XRCC4: variants seen among roughly 807,000 people sequenced by gnomAD.
XRCC4 encodes X-ray repair cross complementing 4.
In XRCC4, 28 loss-of-function variants were observed where a neutral mutation model predicts 39.1. That is an observed-to-expected ratio of 0.72 (90% confidence interval 0.53 to 0.98). XRCC4 has a LOEUF of 0.98. XRCC4 is among the 50% of genes least tolerant of loss of function. XRCC4 has a pLI of 0.00. For missense variants in XRCC4, 350 were observed against 376.4 expected, an observed-to-expected ratio of 0.93 and a Z score of 0.58; for synonymous variants, 123 against 126.4, an observed-to-expected ratio of 0.97 and a Z score of 0.18.
rs143045692 is a variant in XRCC4 at position 83,101,638 on chromosome 5, G to A, written c.-10-3272G>A. Among the ~76,000 whole-genome samples, 175 of 152,202 alleles carry A rather than the reference G, an allele frequency of 1.1e-3. 4 individuals carry two copies. The East Asian group carries it at 0.031, about 27-fold the overall frequency. On this transcript the variant is annotated intron_variant, in intron 1 of 7. Coordinates refer to ENST00000396027, the MANE Select transcript of XRCC4 (RefSeq NM_003401.5). ...GAAATATAAGTGGTGTTCCCACATA[G>A]TGTTGATGATTGATGTCTACTTGAG...
chr5:83,323,811 T>G (rs1175245369), intron 7 of XRCC4, among the ~76,000 whole-genome samples: 3 of 152,084 alleles, frequency 2.0e-5, no homozygotes, highest in African/African-American at 7.2e-5. Context: ...TTTCACTATT[T>G]GAGGAAGAGA....
chr5:83,362,294 C>CAAAA, the XRCC4 span, among the ~76,000 whole-genome samples: 21 of 73,152 alleles, frequency 2.9e-4, no homozygotes, highest in African/African-American at 6.6e-4. Flanking sequence ...GCTATTTAGG[C>CAAAA]AAAAAAAAAA....
At chr5:83,222,382 C>CAT (rs1328088827) in intron 6 of XRCC4, among the ~76,000 whole-genome samples, 2 of 152,060 alleles carry the variant, frequency 1.3e-5, no homozygotes, top group African/African-American at 4.8e-5. Context: ...TGCATTATTG[C>CAT]ATTGTTAGCT....
intron 3 of XRCC4, among the ~76,000 whole-genome samples, chr5:83,184,758 TTC>T (rs968120183): frequency 6.6e-6 from 1 of 152,110 alleles, no homozygotes; most frequent in African/African-American, 2.4e-5. Flanking sequence ...AGTTAGATTT[TTC>T]TCTTTCATAG....
chr5:83,327,398 C>T (rs1283731071), intron 7 of XRCC4, among the ~76,000 whole-genome samples: 1 of 151,888 alleles, frequency 6.6e-6, no homozygotes. Context: ...GAGTAGTAGT[C>T]CATGTGGGGA....
At chr5:83,268,221 C>T (rs1210676365) in intron 7 of XRCC4, among the ~76,000 whole-genome samples, 3 of 152,094 alleles carry the variant, frequency 2.0e-5, no homozygotes, top group Non-Finnish European at 4.4e-5. Context: ...GGTTGCTATC[C>T]TCTTACTACC....
intron 7 of XRCC4, among the ~76,000 whole-genome samples, chr5:83,333,337 T>A (rs138196256): frequency 5.9e-5 from 9 of 152,348 alleles, no homozygotes; most frequent in African/African-American, 2.2e-4. Context: ...ATACTTTCAA[T>A]GTGTGAGTTA....
At position 83,338,980 on chromosome 5, in the gene XRCC4, C is replaced by CA. The variant is rs1350855782; in HGVS notation, c.894-14144dup. 5.9e-5 allele frequency among the ~76,000 whole-genome samples: 9 copies of CA among 152,014 alleles called. No individual in the cohort carries two copies. The South Asian group carries it at 8.3e-4, about 14-fold the overall frequency. On this transcript the variant is annotated intron_variant, in intron 7 of 7. Coordinates refer to ENST00000396027, the MANE Select transcript of XRCC4 (RefSeq NM_003401.5). ...ATACATATTAGAGACTTTTCCAGGG[C>CA]AAAAAAATGGCTGGATAGGTCTTTC...
At chr5:83,277,842 A>C (rs888624632) in intron 7 of XRCC4, among the ~76,000 whole-genome samples, 4 of 152,246 alleles carry the variant, frequency 2.6e-5, no homozygotes, top group Non-Finnish European at 4.4e-5. Context: ...CTTTAGGATA[A>C]CTATACATTC....
intron 7 of XRCC4, among the ~76,000 whole-genome samples, chr5:83,281,392 A>G (rs950319777): frequency 5.3e-5 from 8 of 152,150 alleles, no homozygotes; most frequent in African/African-American, 1.9e-4. Context: ...ACAGGCTTTC[A>G]TGAGCTGCAC....
At chr5:83,176,318 T>C (rs1749955399) in intron 3 of XRCC4, among the ~76,000 whole-genome samples, 1 of 152,032 alleles carries the variant, frequency 6.6e-6, no homozygotes, top group Non-Finnish European at 1.5e-5. Context: ...AGAAAATACA[T>C]AAAGTAAAAA....
At chr5:83,134,876 A>T (rs1027440596) in intron 3 of XRCC4, among the ~76,000 whole-genome samples, 6 of 152,086 alleles carry the variant, frequency 3.9e-5, no homozygotes, top group African/African-American at 7.2e-5. Flanking sequence ...TGGACACGCC[A>T]CCTTGAAGAG....
intron 6 of XRCC4, among the ~76,000 whole-genome samples, chr5:83,236,249 C>G (rs764303284): frequency 7.2e-5 from 11 of 151,970 alleles, no homozygotes; most frequent in Non-Finnish European, 1.2e-4. Flanking sequence ...AAAAGACTAT[C>G]ATAGCCAAAG....
intron 3 of XRCC4, among the ~76,000 whole-genome samples, chr5:83,176,135 A>G (rs550720254): frequency 3.6e-4 from 55 of 152,288 alleles, no homozygotes; most frequent in African/African-American, 1.3e-3. Context: ...CGTAAGTTAT[A>G]ATCTATACTA....
intron 7 of XRCC4, among the ~76,000 whole-genome samples, chr5:83,315,517 T>C (rs1045419607): frequency 6.6e-6 from 1 of 152,150 alleles, no homozygotes; most frequent in Non-Finnish European, 1.5e-5. Flanking sequence ...AAGTCAATTC[T>C]TGGCTTCAAA....
chr5:83,121,179 T>A (rs1172233695), intron 3 of XRCC4, among the ~76,000 whole-genome samples: 3 of 152,234 alleles, frequency 2.0e-5, no homozygotes, highest in African/African-American at 7.2e-5. Context: ...CCAATTTGTT[T>A]ATGCATTCAC....
the XRCC4 span, among the ~76,000 whole-genome samples, chr5:83,360,548 T>G: frequency 6.6e-6 from 1 of 152,252 alleles, no homozygotes; most frequent in East Asian, 1.9e-4. Context: ...CAATAAAATG[T>G]GAATGAAATA....
rs188905688 is a variant in XRCC4, at chr5:83,200,144, G to A, written c.483-3408G>A. 8.5e-4 allele frequency among the ~76,000 whole-genome samples: 130 copies of A among 152,248 alleles called. No individual in the cohort carries two copies. The Middle Eastern group carries it at 0.01, about 12-fold the overall frequency. ...ATCATAATGCTCTAGGAGAGGATTGGCATTAAAAATTAGGTGGGAATGATA... is the reference window on the plus strand; with the variant it reads ...ATCATAATGCTCTAGGAGAGGATTGACATTAAAAATTAGGTGGGAATGATA... On this transcript the variant is annotated intron_variant, in intron 4 of 7. Coordinates refer to ENST00000396027, the MANE Select transcript of XRCC4 (RefSeq NM_003401.5).
chr5:83,126,783 G>T (rs1237474576), intron 3 of XRCC4, among the ~76,000 whole-genome samples: 1 of 152,156 alleles, frequency 6.6e-6, no homozygotes, highest in Non-Finnish European at 1.5e-5. Context: ...AAAGCCATGG[G>T]GGCAGGAATG....
Sources: allele counts gnomAD v4.1 joint callset (sites outside exome capture counted in the v4.1 genomes callset), GRCh38; gene constraint gnomAD v4.1.1; transcripts MANE v1.5; gene names NCBI Gene and HGNC (gene_info 2026-07-23, HGNC 2026-07-21).